The following ZZEF1 variants were observed in gnomAD, a reference collection of about 807,000 sequenced individuals.
ZZEF1 encodes zinc finger ZZ-type and EF-hand domain containing 1, also known as zinc finger ZZ-type and EF-hand domain-containing protein 1.
A neutral mutation model predicts 342.8 loss-of-function variants in ZZEF1; 157 were observed. The observed-to-expected ratio is 0.46, with a 90% confidence interval of 0.40 to 0.52. The LOEUF is 0.52. Ranked by LOEUF, ZZEF1 falls within the 20% of genes least tolerant of loss-of-function variation. ZZEF1 has a pLI of 0.00. For synonymous variants in ZZEF1, 1,505 were observed against 1,429.1 expected (o/e 1.05, Z -1.20); for missense variants, 3,480 against 3,725.6 (o/e 0.93, Z 1.72).
chr17:4,063,728 AT>A (rs549620718), intron 29 of ZZEF1, among the ~76,000 whole-genome samples: 115 of 130,714 alleles, frequency 8.8e-4, no homozygotes, highest in Non-Finnish European at 9.2e-4. Flanking sequence ...CACTCAGGTC[AT>A]TTTTTTTTTT....
chr17:4,117,236 G>T, intron 2 of ZZEF1, 70 bp from the exon 3 acceptor site: 1 of 1,290,798 alleles, frequency 7.7e-7, no homozygotes, highest in East Asian at 2.4e-5. Context: ...CTGCCTGGTG[G>T]CCTATCTGAA....
intron 43 of ZZEF1, among the ~76,000 whole-genome samples, chr17:4,024,186 G>GT (rs754985234): frequency 0.012 from 1,172 of 94,358 alleles, 78 homozygotes; most frequent in South Asian, 0.028. Flanking sequence ...TATTGCCCAG[G>GT]TTTTTTTTTT....
In ZZEF1 at chr17:4,050,912, G is replaced by A. The variant is rs1036931781; in HGVS notation, c.5732C>T (p.Ala1911Val). ...LLFAALALYS[A>V]HLASAEDVDG... ...CACATCCTCTGCACTGGCCAGGTGG[G>A]CGCTATAGAGAGCCAGGGCAGCAAA... The change falls in exon 36 of 55, where the codon GCC becomes GTC. Residue 1911 changes from alanine (A) to valine (V), a missense_variant. Transcript: ENST00000381638. 20 of 1,614,216 alleles carry A rather than the reference G, an allele frequency of 1.2e-5. No homozygotes were observed. The highest frequency in any genetic ancestry group is 1.5e-5 in the Non-Finnish European group (18 of 1,180,036).
chr17:4,097,028 G>A (rs1006817940), intron 9 of ZZEF1, among the ~76,000 whole-genome samples: 1 of 152,106 alleles, frequency 6.6e-6, no homozygotes, highest in African/African-American at 2.4e-5. Flanking sequence ...TTGGGAGGCC[G>A]AGGCGGGTGG....
At position 4,064,681 on chromosome 17, in the gene ZZEF1, C is replaced by T. The variant is rs2057356058; in HGVS notation, c.4398G>A (p.Val1466=). 2 of 1,614,062 alleles carry T rather than the reference C, an allele frequency of 1.2e-6. No individual in the cohort carries two copies. The highest frequency in any genetic ancestry group is 1.7e-5 in the Admixed American group (1 of 60,008). Residue 1466 remains valine, a synonymous_variant, in exon 29 of 55, where the codon GTG becomes GTA. Transcript: ENST00000381638. ...ATACTGAGGCTTGGAAATGCTCTTC[C>T]ACCACAGAGCTTGTCCTCTGACGCT... ...LNKRQRTSSV[V]EEHFQASVSP...
Position 4,075,114 on chromosome 17 carries a change from T to C in ZZEF1, c.3466A>G (p.Thr1156Ala). Residue 1156 changes from threonine to alanine, a missense_variant, in exon 23 of 55, where the codon ACT (threonine) becomes GCT (alanine). Transcript: ENST00000381638. ...TCACTCACCTTGGGCCATTTATCAG[T>C]GCCAACTTTTGTGTCATAGCGTGTT... ...RKTRYDTKVG[T>A]DKWPKKVTFK... The C allele has an allele frequency of 2.5e-6, 4 of 1,614,204 alleles. No homozygotes were observed. The highest frequency in any genetic ancestry group is 3.4e-6 in the Non-Finnish European group (4 of 1,180,020).
chr17:4,015,474 G>C (rs796454943), intron 49 of ZZEF1, among the ~76,000 whole-genome samples: 2 of 152,324 alleles, frequency 1.3e-5, no homozygotes, highest in South Asian at 4.1e-4. Flanking sequence ...TTTTAAAAGC[G>C]CTAATGGGGG....
chr17:4,069,363 T>A (rs139370745), intron 26 of ZZEF1, among the ~76,000 whole-genome samples: 2 of 152,306 alleles, frequency 1.3e-5, no homozygotes, highest in East Asian at 3.9e-4. Flanking sequence ...ATATGACATT[T>A]GTTTCCATAA....
At chr17:4,011,544 GTT>G (rs894700318) in intron 52 of ZZEF1, among the ~76,000 whole-genome samples, 8 of 148,034 alleles carry the variant, frequency 5.4e-5, no homozygotes, top group African/African-American at 1.3e-4. Context: ...GAACTGAGGG[GTT>G]TTTTTTTTGT....
rs2058532602 is a variant in ZZEF1, at chr17:4,123,961, G to A, written c.445C>T (p.Gln149Ter). The A allele has an allele frequency of 6.2e-7, 1 of 1,613,862 alleles. No homozygotes were observed. The highest frequency in any genetic ancestry group is 1.7e-5 in the Admixed American group (1 of 59,952). Residue 149 changes from glutamine (Q) to a stop codon, truncating the protein, a stop_gained, in exon 2 of 55, where the codon CAG becomes TAG. Coordinates refer to ENST00000381638, the MANE Select transcript of ZZEF1 (RefSeq NM_015113.4). LOFTEE classifies it high-confidence loss of function. ...CTGATGATGTGGCTCAGCTCCCCCT[G>A]AAGATTAGCTCCACTGGAATTCTTG... ...ALKNSSGANL[Q>*]GELSHIIRQL...
rs745620993 is a variant in ZZEF1 at position 4,016,438 on chromosome 17, C to T, written c.8030G>A (p.Arg2677Gln). Reference protein sequence around the residue: ...KILQKVLQGCREDMLGTMALA... With the variant: ...KILQKVLQGCQEDMLGTMALA... ...GGCCATGGTCCCCAGCATGTCCTCTCGGCAGCCCTGGAGCACTTTCTGCAG... is the reference window on the plus strand; with the variant it reads ...GGCCATGGTCCCCAGCATGTCCTCTTGGCAGCCCTGGAGCACTTTCTGCAG... Residue 2677 changes from arginine (R) to glutamine (Q), a missense_variant, in exon 49 of 55, where the codon CGA becomes CAA. Physicochemically the swap from Arg to Gln is conservative, Grantham distance 43. Coordinates refer to ENST00000381638, the MANE Select transcript of ZZEF1 (RefSeq NM_015113.4). The surrounding 1 kb of genome is among the most constrained non-coding windows in gnomAD (Gnocchi z 4.4). 16 of 1,613,272 alleles carry T rather than the reference C, an allele frequency of 9.9e-6. No individual in the cohort carries two copies. Among genetic ancestry groups the T allele is most frequent in the South Asian group, 7.7e-5 (7 of 91,044 alleles).
At position 4,123,773 on chromosome 17, in the gene ZZEF1, C is replaced by T. The variant is rs567026645; in HGVS notation, c.499+134G>A. The T allele has an allele frequency of 1.7e-5, 17 of 997,332 alleles. 1 individual carries two copies. In the South Asian group the frequency reaches 2.2e-4, roughly 13 times the overall value. 61.8% of individuals were successfully genotyped at this position (997,332 alleles called of 1,614,324 possible). A position where few individuals can be genotyped will look rare whatever the true frequency, so the allele number is the denominator to read the frequency against. ...ATGAAAGAGATGACTAAAGGAAATG[C>T]TAATTCAGATCGGGAGCCTAATGAA... is the stretch of plus-strand genomic sequence containing the variant. On this transcript the variant is annotated intron_variant, in intron 2 of 54. Transcript: ENST00000381638.
intron 37 of ZZEF1, among the ~76,000 whole-genome samples, chr17:4,048,939 T>C (rs987853395): frequency 1.3e-4 from 19 of 151,446 alleles, no homozygotes; most frequent in Non-Finnish European, 1.9e-4. Flanking sequence ...AGGCTGGTCT[T>C]GAACATCTGA....
chr17:4,087,153 TA>T (rs2057847896), intron 14 of ZZEF1, among the ~76,000 whole-genome samples: 1 of 152,230 alleles, frequency 6.6e-6, no homozygotes, highest in Non-Finnish European at 1.5e-5. Flanking sequence ...GTGCTGGGAT[TA>T]CAGGCGTGAG....
At chr17:4,134,121 C>T (rs2058711095) in intron 1 of ZZEF1, among the ~76,000 whole-genome samples, 1 of 151,880 alleles carries the variant, frequency 6.6e-6, no homozygotes, top group Non-Finnish European at 1.5e-5. Flanking sequence ...ATTACCACAG[C>T]TTTGTGAACA....
rs76556938 is a variant in ZZEF1 at position 4,086,741 on chromosome 17, C to A, written c.2343-86G>T. The A allele has an allele frequency of 4.6e-3, 6,276 of 1,379,224 alleles. 256 individuals are homozygous for A. The East Asian group carries it at 0.093, about 20-fold the overall frequency. 85.4% of individuals were successfully genotyped at this position (1,379,224 alleles called of 1,614,324 possible). On this transcript the variant is annotated intron_variant, in intron 14 of 54. Coordinates refer to ENST00000381638, the MANE Select transcript of ZZEF1 (RefSeq NM_015113.4). ...CATATAGCTGTCTACAAAGGACTTT[C>A]CTCTAGGCATCAGGCTCGATGAAAA...
intron 26 of ZZEF1, among the ~76,000 whole-genome samples, chr17:4,067,842 G>T (rs1478145253): frequency 6.6e-6 from 1 of 152,136 alleles, no homozygotes; most frequent in Non-Finnish European, 1.5e-5. Flanking sequence ...AGTGCTTTGG[G>T]AGACTGAAGG....
intron 25 of ZZEF1, among the ~76,000 whole-genome samples, chr17:4,071,877 GAAGA>G (rs1217619323): frequency 6.6e-6 from 1 of 152,178 alleles, no homozygotes; most frequent in Non-Finnish European, 1.5e-5. Flanking sequence ...TTTGACAGGA[GAAGA>G]AAGTGGAGAG....
At chr17:4,125,572 A>G (rs1010178499) in intron 1 of ZZEF1, among the ~76,000 whole-genome samples, 7 of 152,216 alleles carry the variant, frequency 4.6e-5, no homozygotes, top group African/African-American at 1.7e-4. Flanking sequence ...AGATTATCCA[A>G]AAAGTTAATA....
Sources: allele counts gnomAD v4.1 joint callset (sites outside exome capture counted in the v4.1 genomes callset), GRCh38; gene constraint gnomAD v4.1.1; non-coding constraint Gnocchi (gnomAD v3.1); transcripts MANE v1.5; gene names NCBI Gene and HGNC (gene_info 2026-07-23, HGNC 2026-07-21).